Variants in GLRA2 observed in about 807,000 individuals in gnomAD.
The protein encoded by GLRA2 is glycine receptor alpha 2.
Under a neutral mutation model 31.6 loss-of-function variants are expected in GLRA2, and 11 were observed. That is an observed-to-expected ratio of 0.35 (90% CI 0.22 to 0.58). The LOEUF (loss-of-function observed/expected upper bound fraction) is 0.58, where lower values mean the gene tolerates loss of function less well. Among genes scored for constraint, GLRA2 ranks in the 20% least tolerant of loss-of-function variants. The probability of loss-of-function intolerance (pLI) is 0.84; values close to 1 mark genes in which losing one functional copy is unlikely to be tolerated. For synonymous variants in GLRA2, 132 were observed against 134.0 expected (o/e 0.99, Z 0.10); for missense variants, 212 against 351.8 (o/e 0.60, Z 3.18).
chrX:14,458,848 T>G, the GLRA2 span, among the ~76,000 whole-genome samples: 1 of 112,091 alleles, frequency 8.9e-6, no homozygotes, highest in South Asian at 3.7e-4. Flanking sequence ...TGGTAGTTTC[T>G]TTTGCTGTGC....
chrX:14,533,908 G>A (rs2089289325), intron 2 of GLRA2, among the ~76,000 whole-genome samples: 1 of 111,522 alleles, frequency 9.0e-6, no homozygotes, highest in African/African-American at 3.2e-5. Context: ...GATATTAATG[G>A]AAAGCTTTAT....
chrX:14,712,518 A>C (rs941542629), intron 8 of GLRA2, among the ~76,000 whole-genome samples: 2 of 111,091 alleles, frequency 1.8e-5, no homozygotes, highest in Non-Finnish European at 3.8e-5. Context: ...AAAAAAAAAA[A>C]CTATAGTTGC....
At chrX:14,579,320 CTATTA>C (rs2089990645) in intron 3 of GLRA2, among the ~76,000 whole-genome samples, 1 of 106,793 alleles carries the variant, frequency 9.4e-6, no homozygotes, top group Admixed American at 1.0e-4. Context: ...AATCAAGAAT[CTATTA>C]CAAGCCTGAC....
At chrX:14,502,232 A>G in the GLRA2 span, among the ~76,000 whole-genome samples, 3 of 111,660 alleles carry the variant, frequency 2.7e-5, no homozygotes, top group South Asian at 1.1e-3. Context: ...TTTTGGCCTC[A>G]GTTACCTTCT....
At chrX:14,470,621 T>C in the GLRA2 span, among the ~76,000 whole-genome samples, 1 of 111,844 alleles carries the variant, frequency 8.9e-6, no homozygotes, top group African/African-American at 3.2e-5. Context: ...CTAGAACAAA[T>C]TCTAGGAGAT....
chrX:14,594,177 T>C (rs2090175524), intron 4 of GLRA2, among the ~76,000 whole-genome samples: 1 of 111,762 alleles, frequency 8.9e-6, no homozygotes, highest in Non-Finnish European at 1.9e-5. Context: ...TGCCCTCAGT[T>C]GTCAACAGGT....
chrX:14,531,126 A>T (rs1341664900), intron 1 of GLRA2: 1 of 935,885 alleles, frequency 1.1e-6, no homozygotes, highest in Admixed American at 3.0e-5. Context: ...CACCACCACC[A>T]CCATCATAAT....
At chrX:14,653,661 T>C (rs1373014251) in intron 7 of GLRA2, among the ~76,000 whole-genome samples, 1 of 112,545 alleles carries the variant, frequency 8.9e-6, no homozygotes, top group Non-Finnish European at 1.9e-5. Flanking sequence ...TTTAGAATAT[T>C]CCATAAACTT....
At chrX:14,571,770 C>CAAA (rs58794212) in intron 2 of GLRA2, among the ~76,000 whole-genome samples, 1 of 108,616 alleles carries the variant, frequency 9.2e-6, no homozygotes, top group African/African-American at 3.4e-5. Context: ...AACCTTGAAC[C>CAAA]AAAAAAAAGT....
At chrX:14,499,320 C>T in the GLRA2 span, among the ~76,000 whole-genome samples, 3 of 111,568 alleles carry the variant, frequency 2.7e-5, no homozygotes, top group African/African-American at 6.5e-5. Context: ...AGTGAGATGA[C>T]ATTTCATTGT....
At chrX:14,582,101 G>T (rs1437322826) in intron 4 of GLRA2, among the ~76,000 whole-genome samples, 3 of 105,427 alleles carry the variant, frequency 2.8e-5, no homozygotes, top group African/African-American at 3.5e-5. Flanking sequence ...AAGTTTTAGG[G>T]TACATGTGCA....
intron 4 of GLRA2, among the ~76,000 whole-genome samples, chrX:14,583,345 A>G (rs1429473366): frequency 1.8e-5 from 2 of 112,825 alleles, no homozygotes; most frequent in Non-Finnish European, 3.7e-5. Context: ...TCATTCTACC[A>G]TAAAGACACA....
In GLRA2 at chrX:14,730,939, C is replaced by A. The variant is rs867482013; in HGVS notation, c.*454C>A. 1 of 66,461 alleles carries A rather than the reference C, an allele frequency of 1.5e-5. No homozygotes were observed. Among genetic ancestry groups the A allele is most frequent in the Non-Finnish European group, 3.2e-5 (1 of 31,143 alleles). 5.5% of individuals were successfully genotyped at this position (66,461 alleles called of 1,213,427 possible). A position where few individuals can be genotyped will look rare whatever the true frequency, so the allele number is the denominator to read the frequency against. On this transcript the variant is annotated 3_prime_UTR_variant, in exon 9 of 9. Transcript: ENST00000218075. ...ACACACACACACACACACACACACACACACACACACAAACTTCAAAAATGC... is the reference window on the plus strand; with the variant it reads ...ACACACACACACACACACACACACAAACACACACACAAACTTCAAAAATGC...
At chrX:14,552,733 C>T (rs2045418240) in intron 2 of GLRA2, among the ~76,000 whole-genome samples, 1 of 112,168 alleles carries the variant, frequency 8.9e-6, no homozygotes, top group Admixed American at 9.4e-5. Context: ...CCTTCTACCT[C>T]CATTGCCTGA....
At chrX:14,622,103 G>A (rs2090526935) in intron 7 of GLRA2, among the ~76,000 whole-genome samples, 2 of 112,317 alleles carry the variant, frequency 1.8e-5, no homozygotes, top group African/African-American at 6.5e-5. Flanking sequence ...GCATTTCTCT[G>A]ATGGCCAGTG....
chrX:14,514,767 T>C, the GLRA2 span, among the ~76,000 whole-genome samples: 4 of 111,484 alleles, frequency 3.6e-5, no homozygotes, highest in Non-Finnish European at 5.7e-5. Flanking sequence ...TCCCTTTATT[T>C]TTCTCTCTAC....
At chrX:14,528,553 T>C (rs1300815112), upstream of GLRA2, among the ~76,000 whole-genome samples, 5 of 111,976 alleles carry the variant, frequency 4.5e-5, no homozygotes, top group Non-Finnish European at 7.5e-5. Context: ...CTTCCTCTTT[T>C]TTATTAATAA....
chrX:14,462,706 T>G, the GLRA2 span, among the ~76,000 whole-genome samples: 1 of 111,809 alleles, frequency 8.9e-6, no homozygotes, highest in East Asian at 2.8e-4. Context: ...ATCAGGTCAT[T>G]TAAGGTCTTC....
At chrX:14,681,205 G>A (rs1290650044) in intron 7 of GLRA2, among the ~76,000 whole-genome samples, 2 of 112,162 alleles carry the variant, frequency 1.8e-5, no homozygotes, top group Non-Finnish European at 3.8e-5. Flanking sequence ...AATGTTAGGC[G>A]AGCTAAGAGA....
Sources: gnomAD v4.1 joint callset for allele counts (sites outside exome capture counted in the v4.1 genomes callset) on GRCh38, gnomAD v4.1.1 for gene constraint, MANE v1.5 for transcripts, NCBI Gene and HGNC (gene_info 2026-07-23, HGNC 2026-07-21) for gene names.